Variants in IQCH observed in about 807,000 individuals in gnomAD.
The protein encoded by IQCH is IQ motif containing H.
IQCH carries 98 observed loss-of-function variants against 117.0 expected under a neutral mutation model. That is an observed-to-expected ratio of 0.84 (90% CI 0.71 to 0.99). The LOEUF is 0.99. Ranked by LOEUF, IQCH falls within the 50% of genes least tolerant of loss-of-function variation. The pLI is 0.00. For synonymous variants in IQCH, 412 were observed against 448.2 expected, an observed-to-expected ratio of 0.92 and a Z score of 1.02; for missense variants, 1,102 against 1,243.8, an observed-to-expected ratio of 0.89 and a Z score of 1.72.
intron 16 of IQCH, among the ~76,000 whole-genome samples, chr15:67,434,958 TTTTTTGTA>T (rs2082101789): frequency 6.7e-6 from 1 of 148,570 alleles, no homozygotes; most frequent in South Asian, 2.2e-4. Flanking sequence ...TTTTTTTAAT[TTTTTTGTA>T]TTTTTGTATT....
In IQCH at chr15:67,388,756, C is replaced by T. The variant is rs1355871980; in HGVS notation, c.1457-75C>T. On this transcript the variant is annotated intron_variant, in intron 11 of 20. Coordinates refer to ENST00000335894, the MANE Select transcript of IQCH (RefSeq NM_001031715.3). This position sits in a 1 kb window ranked among gnomAD's most constrained non-coding sequence, Gnocchi z 5.5. The stretch of plus-strand genomic sequence containing the variant: ...ATGCTCTTTATTTTAAACTGCACAA[C>T]ACCAATCGGATGCCAGAGTTCATAA... 7.8e-7 allele frequency: 1 copy of T among 1,284,636 alleles called. No homozygotes were observed. The highest frequency in any genetic ancestry group is 1.5e-5 in the African/African-American group (1 of 68,162). The allele number at this position is 1,284,636 out of a possible 1,614,324, so 79.6% of individuals were successfully genotyped here.
At chr15:67,299,407 T>C (rs2140524585) in intron 4 of IQCH, among the ~76,000 whole-genome samples, 1 of 152,160 alleles carries the variant, frequency 6.6e-6, no homozygotes, top group Non-Finnish European at 1.5e-5. Context: ...AACAATAATT[T>C]ATTGTACATT....
Position 67,468,354 on chromosome 15 carries a change from G to C in IQCH, c.2676+3057G>C, listed in dbSNP as rs1321617384. On this transcript the variant is annotated intron_variant, in intron 17 of 20. Coordinates refer to ENST00000335894, the MANE Select transcript of IQCH (RefSeq NM_001031715.3). ...AAATTATGATGTTAATAATGATTCT[G>C]TCTCCTGTAATTTATTATAAATTCT... 3.3e-5 allele frequency among the ~76,000 whole-genome samples: 5 copies of C among 152,208 alleles called. No individual in the cohort carries two copies. In the East Asian group the frequency reaches 7.7e-4, roughly 23 times the overall value.
chr15:67,493,056 T>C lies in IQCH; in HGVS notation c.2862-1202T>C, dbSNP rs2083703133. On this transcript the variant is annotated intron_variant, in intron 19 of 20. Coordinates refer to ENST00000335894, the MANE Select transcript of IQCH (RefSeq NM_001031715.3). The surrounding 1 kb of genome is among the most constrained non-coding windows in gnomAD (Gnocchi z 5.1). The stretch of plus-strand genomic sequence containing the variant: ...AGTTTCAATGGCAGAAATAGTCCTA[T>C]TGGTGTACCTTCTAGATGGTTATTG... Among the ~76,000 whole-genome samples, 1 of 152,196 alleles carries C rather than the reference T, an allele frequency of 6.6e-6. No homozygotes were observed.
intron 10 of IQCH, among the ~76,000 whole-genome samples, chr15:67,377,150 AAGG>A (rs1970768134): frequency 6.6e-6 from 1 of 151,578 alleles, no homozygotes; most frequent in African/African-American, 2.4e-5. Flanking sequence ...GAAAAAAAGA[AAGG>A]AGGACTTATG....
intron 15 of IQCH, among the ~76,000 whole-genome samples, chr15:67,420,319 C>T (rs1374718140): frequency 2.0e-5 from 3 of 152,126 alleles, no homozygotes; most frequent in Admixed American, 2.0e-4. Context: ...TATTCAAAGT[C>T]TGTGGCTTAC....
chr15:67,373,699 A>C, intron 10 of IQCH: 1 of 552,896 alleles, frequency 1.8e-6, no homozygotes, highest in Admixed American at 3.4e-5. Flanking sequence ...TATGAAATGA[A>C]CTAAAAAGTT....
Position 67,352,764 on chromosome 15 carries a change from A to G in IQCH, c.638-4581A>G, listed in dbSNP as rs77042927. The stretch of plus-strand genomic sequence containing the variant: ...TCTACAGGTTCATTGTGATGCATCT[A>G]GGCATATAGGTCTTTTTATTTATCC... On this transcript the variant is annotated intron_variant, in intron 6 of 20. Transcript: ENST00000335894. 3.3e-3 allele frequency among the ~76,000 whole-genome samples: 509 copies of G among 152,180 alleles called. 3 individuals carry two copies. The highest frequency in any genetic ancestry group is 0.012 in the African/African-American group (483 of 41,558).
Position 67,381,918 on chromosome 15 carries a change from C to G in IQCH, c.1373-3018C>G, listed in dbSNP as rs1386420369. Among the ~76,000 whole-genome samples the G allele has an allele frequency of 2.0e-5, 3 of 151,474 alleles. No homozygotes were observed. The highest frequency in any genetic ancestry group is 2.4e-5 in the African/African-American group (1 of 41,208). On this transcript the variant is annotated intron_variant, in intron 10 of 20. Coordinates refer to ENST00000335894, the MANE Select transcript of IQCH (RefSeq NM_001031715.3). This position sits in a 1 kb window ranked among gnomAD's most constrained non-coding sequence, Gnocchi z 5.1. ...ATCACTTGAGCCCAGGAGGTTGAGGCTGCAGTGAGTCGAGATTGCACCACT... is the reference window on the plus strand; with the variant it reads ...ATCACTTGAGCCCAGGAGGTTGAGGGTGCAGTGAGTCGAGATTGCACCACT...
chr15:67,376,494 T>A lies in IQCH; in HGVS notation c.1372+3061T>A, dbSNP rs1468470459. Among the ~76,000 whole-genome samples the A allele has an allele frequency of 6.6e-6, 1 of 152,222 alleles. No individual in the cohort carries two copies. The highest frequency in any genetic ancestry group is 1.5e-5 in the Non-Finnish European group (1 of 68,020). On this transcript the variant is annotated intron_variant, in intron 10 of 20. Coordinates refer to ENST00000335894, the MANE Select transcript of IQCH (RefSeq NM_001031715.3). This position sits in a 1 kb window ranked among gnomAD's most constrained non-coding sequence, Gnocchi z 5.0. ...ACACAAGTTGCAGCCTTGTCCTCTT[T>A]TTCTCTTGCCATAGGAAATTTGCTG...
chr15:67,255,216 G>C, intron 1 of IQCH: 2 of 529,920 alleles, frequency 3.8e-6, no homozygotes, highest in Non-Finnish European at 6.8e-6. Context: ...CTTTACTTCA[G>C]AAAAATTAAC....
intron 4 of IQCH, among the ~76,000 whole-genome samples, chr15:67,302,645 T>C (rs1443421341): frequency 1.3e-5 from 2 of 151,876 alleles, no homozygotes; most frequent in African/African-American, 4.8e-5. Context: ...GATCACGAGG[T>C]CAGGAGTTCG....
At chr15:67,311,093 A>G (rs1370672224) in intron 4 of IQCH, among the ~76,000 whole-genome samples, 1 of 152,082 alleles carries the variant, frequency 6.6e-6, no homozygotes, top group Non-Finnish European at 1.5e-5. Flanking sequence ...AACTGAGACT[A>G]AGATTAAGCT....
At chr15:67,347,557 A>G (rs1400708219) in intron 6 of IQCH, among the ~76,000 whole-genome samples, 1 of 151,942 alleles carries the variant, frequency 6.6e-6, no homozygotes, top group Non-Finnish European at 1.5e-5. Context: ...AAAAAAAATG[A>G]TACCATATGG....
At chr15:67,420,095 G>A (rs947151613) in intron 15 of IQCH, among the ~76,000 whole-genome samples, 5 of 152,186 alleles carry the variant, frequency 3.3e-5, no homozygotes, top group South Asian at 2.1e-4. Context: ...TAGCACACAC[G>A]AGTAGGCCTC....
At position 67,404,164 on chromosome 15, in the gene IQCH, T is replaced by C. The variant is rs1247855698; in HGVS notation, c.2097+3859T>C. ...GGGGATCACCAATGGAGAAAAAAAC[T>C]AATTAGACATTTGATATTAATTTGG... On this transcript the variant is annotated intron_variant, in intron 14 of 20. Coordinates refer to ENST00000335894, the MANE Select transcript of IQCH (RefSeq NM_001031715.3). This position sits in a 1 kb window ranked among gnomAD's most constrained non-coding sequence, Gnocchi z 4.6. The C allele has an allele frequency of 3.9e-5, 6 of 152,208 alleles. No homozygotes were observed. Among genetic ancestry groups the C allele is most frequent in the Admixed American group, 6.5e-5 (1 of 15,274 alleles). The allele number at this position is 152,208 out of a possible 1,614,324, so 9.4% of individuals were successfully genotyped here. A position where few individuals can be genotyped will look rare whatever the true frequency, so the allele number is the denominator to read the frequency against.
chr15:67,451,158 T>A (rs2082515349), intron 16 of IQCH, among the ~76,000 whole-genome samples: 2 of 152,206 alleles, frequency 1.3e-5, no homozygotes, highest in African/African-American at 4.8e-5. Flanking sequence ...ATTTTGTTGA[T>A]CTTTTCAAAA....
At chr15:67,316,866 A>G (rs989558726) in intron 4 of IQCH, among the ~76,000 whole-genome samples, 3 of 152,140 alleles carry the variant, frequency 2.0e-5, no homozygotes, top group Non-Finnish European at 4.4e-5. Context: ...GAGGGTGGTG[A>G]TTTTGACCTG....
At chr15:67,324,150 G>C (rs1968284096) in intron 4 of IQCH, among the ~76,000 whole-genome samples, 1 of 151,562 alleles carries the variant, frequency 6.6e-6, no homozygotes, top group African/African-American at 2.4e-5. Flanking sequence ...CACCATGTTG[G>C]CCAGGCTGCT....
Sources: gnomAD v4.1 joint callset for allele counts (sites outside exome capture counted in the v4.1 genomes callset) on GRCh38, gnomAD v4.1.1 for gene constraint, Gnocchi (gnomAD v3.1) non-coding constraint, MANE v1.5 for transcripts, NCBI Gene and HGNC (gene_info 2026-07-23, HGNC 2026-07-21) for gene names.